Variants in OPHN1 observed in about 807,000 individuals in gnomAD.
OPHN1 encodes oligophrenin 1.
OPHN1 carries 11 observed loss-of-function variants against 60.7 expected under a neutral mutation model. The observed-to-expected ratio is 0.18, with a 90% CI of 0.11 to 0.30. OPHN1 has a LOEUF of 0.30. Ranked by LOEUF, OPHN1 falls within the 10% of genes least tolerant of loss-of-function variation. The pLI is 1.00. For missense variants in OPHN1, 449 were observed against 611.0 expected, an observed-to-expected ratio of 0.73 and a Z score of 2.80; for synonymous variants, 226 against 222.6, an observed-to-expected ratio of 1.02 and a Z score of -0.14.
chrX:68,348,566 G>A (rs1432439118), intron 2 of OPHN1, among the ~76,000 whole-genome samples: 1 of 111,221 alleles, frequency 9.0e-6, no homozygotes, highest in Non-Finnish European at 1.9e-5. Context: ...TACTGCGGCT[G>A]TGCATGATTG....
At chrX:68,352,012 G>A (rs186510572) in intron 2 of OPHN1, among the ~76,000 whole-genome samples, 88 of 108,688 alleles carry the variant, frequency 8.1e-4, no homozygotes, top group Non-Finnish European at 1.5e-3. Context: ...AAGTAGCTGG[G>A]ACTACAGTTG....
At chrX:68,051,592 C>T (rs1602122500) in intron 23 of OPHN1, among the ~76,000 whole-genome samples, 1 of 111,005 alleles carries the variant, frequency 9.0e-6, no homozygotes, top group Non-Finnish European at 1.9e-5. Flanking sequence ...AAATGGGGGC[C>T]CTAAGGCTGT....
intron 2 of OPHN1, among the ~76,000 whole-genome samples, chrX:68,341,968 GTT>G (rs1173542561): frequency 1.6e-3 from 134 of 84,952 alleles, no homozygotes; most frequent in African/African-American, 5.2e-3. Flanking sequence ...AATTTTTGGT[GTT>G]TTTTTTTTTT....
chrX:68,165,647 G>C (rs768902924), intron 15 of OPHN1, among the ~76,000 whole-genome samples: 58 of 112,003 alleles, frequency 5.2e-4, no homozygotes, highest in Non-Finnish European at 1.0e-3. Context: ...ATGTGACATA[G>C]AGATAAGAAG....
chrX:68,150,763 T>A (rs892928629), intron 15 of OPHN1, among the ~76,000 whole-genome samples: 2 of 111,719 alleles, frequency 1.8e-5, no homozygotes, highest in Non-Finnish European at 3.8e-5. Context: ...CCCAAAGAGG[T>A]GAGGCCAGGA....
intron 5 of OPHN1, among the ~76,000 whole-genome samples, chrX:68,244,191 CTCTT>C (rs2077794829): frequency 1.8e-5 from 2 of 111,711 alleles, no homozygotes; most frequent in Non-Finnish European, 3.8e-5. Context: ...GACTAGAACA[CTCTT>C]TCTCCAATTT....
chrX:68,093,336 C>T (rs180745035), intron 19 of OPHN1, among the ~76,000 whole-genome samples: 73 of 111,815 alleles, frequency 6.5e-4, no homozygotes, highest in African/African-American at 2.3e-3. Context: ...TGTAAATGTG[C>T]TAATATGTGT....
intron 3 of OPHN1, 34 bp downstream of exon 3, chrX:68,298,967 A>G (rs1307607481): frequency 1.1e-6 from 1 of 931,731 alleles, no homozygotes; most frequent in Non-Finnish European, 1.5e-6. Context: ...GGCTGCCTCA[A>G]CAGGTATATG....
At chrX:68,407,423 T>A (rs1393890382) in intron 2 of OPHN1, among the ~76,000 whole-genome samples, 3 of 111,507 alleles carry the variant, frequency 2.7e-5, no homozygotes, top group Non-Finnish European at 5.6e-5. Flanking sequence ...GATACCTAAG[T>A]GGAAGACTTA....
intron 20 of OPHN1, among the ~76,000 whole-genome samples, chrX:68,068,623 T>G (rs936576653): frequency 2.7e-5 from 3 of 111,218 alleles, no homozygotes; most frequent in Admixed American, 9.6e-5. Flanking sequence ...CACAAAATCC[T>G]GTGCATGAAT....
At chrX:68,141,795 G>A (rs1424668101) in intron 15 of OPHN1, among the ~76,000 whole-genome samples, 2 of 110,562 alleles carry the variant, frequency 1.8e-5, no homozygotes, top group African/African-American at 6.6e-5. Flanking sequence ...GAGATTGGAT[G>A]CTCCAAAAGA....
At chrX:68,111,508 G>A (rs1459642628) in intron 18 of OPHN1, among the ~76,000 whole-genome samples, 1 of 112,185 alleles carries the variant, frequency 8.9e-6, no homozygotes, top group Admixed American at 9.5e-5. Flanking sequence ...TTCATTGTAG[G>A]GATTGTGCAG....
At chrX:68,126,962 G>A (rs1466871956) in intron 15 of OPHN1, among the ~76,000 whole-genome samples, 2 of 111,685 alleles carry the variant, frequency 1.8e-5, no homozygotes, top group Admixed American at 9.6e-5. Flanking sequence ...TTTTATGCAA[G>A]AACTCACACT....
At chrX:68,068,946 G>C (rs1027196086) in intron 20 of OPHN1, among the ~76,000 whole-genome samples, 5 of 112,215 alleles carry the variant, frequency 4.5e-5, no homozygotes, top group African/African-American at 1.6e-4. Flanking sequence ...AAATTTAAAA[G>C]TATTGGGATT....
intron 2 of OPHN1, among the ~76,000 whole-genome samples, chrX:68,337,346 T>C (rs1302198178): frequency 2.7e-5 from 3 of 111,465 alleles, no homozygotes; most frequent in African/African-American, 9.8e-5. Flanking sequence ...AGATAAAATA[T>C]GTATAACAAT....
intron 2 of OPHN1, among the ~76,000 whole-genome samples, chrX:68,305,205 C>T (rs747407851): frequency 7.2e-5 from 8 of 110,824 alleles, no homozygotes; most frequent in Middle Eastern, 4.6e-3. Flanking sequence ...ATAGTGAGAA[C>T]CCCATCTCTA....
intron 15 of OPHN1, chrX:68,133,098 A>T: frequency 1.8e-6 from 1 of 567,498 alleles, no homozygotes; most frequent in Non-Finnish European, 3.2e-6. Context: ...ATTTTTCAGA[A>T]CATAAAACTA....
intron 19 of OPHN1, among the ~76,000 whole-genome samples, chrX:68,093,591 C>T (rs182012688): frequency 1.8e-5 from 2 of 111,116 alleles, no homozygotes; most frequent in Admixed American, 9.6e-5. Flanking sequence ...GTTGGTATTG[C>T]CACTATATAT....
chrX:68,375,651 A>C (rs2078552987), intron 2 of OPHN1, among the ~76,000 whole-genome samples: 1 of 110,888 alleles, frequency 9.0e-6, no homozygotes, highest in Non-Finnish European at 1.9e-5. Context: ...CCTGGGTTCA[A>C]GTGATCATCC....
Sources: gnomAD v4.1 joint callset for allele counts (sites outside exome capture counted in the v4.1 genomes callset) on GRCh38, gnomAD v4.1.1 for gene constraint, MANE v1.5 for transcripts, NCBI Gene and HGNC (gene_info 2026-07-23, HGNC 2026-07-21) for gene names.